The following PRPF18 variants were observed in gnomAD, a reference collection of about 807,000 sequenced individuals.
The protein encoded by PRPF18 is pre-mRNA-splicing factor 18.
A neutral mutation model predicts 46.5 loss-of-function variants in PRPF18; 38 were observed. The observed-to-expected ratio is 0.82, with a 90% confidence interval of 0.63 to 1.07. PRPF18 has a LOEUF of 1.07. Ranked by LOEUF, PRPF18 falls within the 50% of genes least tolerant of loss-of-function variation. The pLI, the probability that PRPF18 is intolerant of heterozygous loss-of-function variation, is 0.00. For synonymous variants in PRPF18, 152 were observed against 146.7 expected (o/e 1.04, Z -0.26); for missense variants, 263 against 410.0 (o/e 0.64, Z 3.10).
At chr10:13,609,376 A>C (rs1431443668) in intron 4 of PRPF18, among the ~76,000 whole-genome samples, 1 of 152,222 alleles carries the variant, frequency 6.6e-6, no homozygotes, top group Admixed American at 6.5e-5. Flanking sequence ...GCTATTTAAT[A>C]GTATGTGGCA....
chr10:13,620,948 A>G (rs1348099183), intron 9 of PRPF18, among the ~76,000 whole-genome samples: 1 of 152,230 alleles, frequency 6.6e-6, no homozygotes, highest in Non-Finnish European at 1.5e-5. Context: ...GTCCAGGGTT[A>G]GGTAGAAATT....
At position 13,616,149 on chromosome 10, in the gene PRPF18, G is replaced by A. The variant is rs138966155; in HGVS notation, c.793-249G>A. Among the ~76,000 whole-genome samples, 70 of 152,274 alleles carry A rather than the reference G, an allele frequency of 4.6e-4. No individual in the cohort carries two copies. In the South Asian group the frequency reaches 0.012, roughly 26 times the overall value. ...ATACAAAGGCTGCAAAGGAATGTTT[G>A]CCTTTTTTTTACTCACAACCTAGCT... On this transcript the variant is annotated intron_variant, in intron 8 of 9. Transcript: ENST00000378572.
intron 8 of PRPF18, 35 bp downstream of exon 8, chr10:13,614,121 A>C: frequency 6.9e-7 from 1 of 1,446,778 alleles, no homozygotes; most frequent in South Asian, 1.3e-5. Context: ...AATTGTTAAG[A>C]GTATATCTAG....
chr10:13,626,835 A>G (rs2080514242), intron 9 of PRPF18, among the ~76,000 whole-genome samples: 1 of 151,948 alleles, frequency 6.6e-6, no homozygotes, highest in African/African-American at 2.4e-5. Context: ...CAGTGTACAC[A>G]GAAAACCCGG....
intron 4 of PRPF18, among the ~76,000 whole-genome samples, 158 bp downstream of exon 4, chr10:13,605,902 T>C (rs912238228): frequency 1.3e-5 from 2 of 152,220 alleles, no homozygotes; most frequent in African/African-American, 4.8e-5. Flanking sequence ...AAAGCTCATA[T>C]CTTAAGTATA....
intron 1 of PRPF18, among the ~76,000 whole-genome samples, chr10:13,590,075 T>A (rs2079935055): frequency 6.6e-6 from 1 of 151,892 alleles, no homozygotes; most frequent in South Asian, 2.1e-4. Flanking sequence ...ATTTGCATAA[T>A]CATGTTCTTC....
intron 9 of PRPF18, among the ~76,000 whole-genome samples, chr10:13,623,772 A>G: frequency 6.6e-6 from 1 of 152,140 alleles, no homozygotes; most frequent in East Asian, 1.9e-4. Flanking sequence ...GGTTGTTTTA[A>G]TGGTTTATTG....
chr10:13,600,967 G>C lies in PRPF18; in HGVS notation c.249+619G>C, dbSNP rs190106450. On this transcript the variant is annotated intron_variant, in intron 3 of 9. Transcript: ENST00000378572. ...AATTTTTTTTTGTATTTTTAGTAGA[G>C]ATGGGGTTTCATCATGTTGGCCAGG... Among the ~76,000 whole-genome samples the C allele has an allele frequency of 3.9e-5, 6 of 152,052 alleles. No homozygotes were observed. In the South Asian group the frequency reaches 1.0e-3, roughly 26 times the overall value.
At chr10:13,596,926 CACCAAG>C (rs1174085785) in intron 1 of PRPF18, among the ~76,000 whole-genome samples, 4 of 152,126 alleles carry the variant, frequency 2.6e-5, no homozygotes, top group African/African-American at 4.8e-5. Flanking sequence ...TAAAAGAGTT[CACCAAG>C]ACCACCCTAT....
chr10:13,630,224 T>A (rs1238008091), intron 9 of PRPF18, 36 bp from the exon 10 acceptor site: 1 of 1,496,276 alleles, frequency 6.7e-7, no homozygotes. Flanking sequence ...AATTTAACCA[T>A]GTCATAACCA....
the PRPF18 span, chr10:13,651,682 C>A: frequency 1.8e-6 from 1 of 553,536 alleles, no homozygotes; most frequent in Non-Finnish European, 3.2e-6. Flanking sequence ...CAAAACAAAA[C>A]ATACTCTGGG....
chr10:13,595,566 C>T (rs1464012673), intron 1 of PRPF18, among the ~76,000 whole-genome samples: 3 of 152,120 alleles, frequency 2.0e-5, no homozygotes, highest in African/African-American at 4.8e-5. Flanking sequence ...GGTTTAAGGA[C>T]CAGAGTTCTA....
intron 4 of PRPF18, among the ~76,000 whole-genome samples, chr10:13,608,013 TGA>T (rs1332840078): frequency 1.3e-5 from 2 of 152,234 alleles, no homozygotes; most frequent in African/African-American, 4.8e-5. Context: ...TCTCAATTAT[TGA>T]GAGACAGGTG....
chr10:13,605,105 C>A (rs1043485952), intron 3 of PRPF18, among the ~76,000 whole-genome samples: 2 of 152,040 alleles, frequency 1.3e-5, no homozygotes, highest in Non-Finnish European at 2.9e-5. Flanking sequence ...TTTTAAAGTA[C>A]TTGATTTTCT....
At chr10:13,633,215 C>A (rs983282452), downstream of PRPF18, among the ~76,000 whole-genome samples, 1 of 152,106 alleles carries the variant, frequency 6.6e-6, no homozygotes, top group Non-Finnish European at 1.5e-5. Context: ...TCCTGAGAGA[C>A]CAGAGCTAGG....
At chr10:13,610,765 T>C (rs1225082399) in intron 5 of PRPF18, among the ~76,000 whole-genome samples, 2 of 152,224 alleles carry the variant, frequency 1.3e-5, no homozygotes, top group South Asian at 4.1e-4. Flanking sequence ...GTGGGATTTA[T>C]ATATGTATAT....
chr10:13,650,092 G>C, the PRPF18 span, among the ~76,000 whole-genome samples: 1 of 152,254 alleles, frequency 6.6e-6, no homozygotes, highest in South Asian at 2.1e-4. Flanking sequence ...TACTGGCTAA[G>C]CCAGGGCCGT....
the PRPF18 span, chr10:13,645,566 T>C: frequency 5.9e-5 from 9 of 152,648 alleles, no homozygotes; most frequent in Non-Finnish European, 1.2e-4. Flanking sequence ...ACATTAATTT[T>C]TTTCTTCTTT....
chr10:13,648,231 G>A, the PRPF18 span: 476 of 152,334 alleles, frequency 3.1e-3, 1 homozygote, highest in Non-Finnish European at 3.8e-3. Flanking sequence ...CAGAAGCAAA[G>A]TAAGAAAAGG....
Sources: allele counts gnomAD v4.1 joint callset (sites outside exome capture counted in the v4.1 genomes callset), GRCh38; gene constraint gnomAD v4.1.1; transcripts MANE v1.5; gene names NCBI Gene and HGNC (gene_info 2026-07-23, HGNC 2026-07-21).